SNPH: variants seen among roughly 807,000 people sequenced by gnomAD.
The protein encoded by SNPH is syntaphilin.
In SNPH, 10 loss-of-function variants were observed where a neutral mutation model predicts 36.8. The ratio of observed to expected loss-of-function variants is 0.27; its 90% CI spans 0.17 to 0.46. The LOEUF (loss-of-function observed/expected upper bound fraction) is 0.46, where lower values mean the gene tolerates loss of function less well. Ranked by LOEUF, SNPH falls within the 20% of genes least tolerant of loss-of-function variation. The pLI is 1.00. For missense variants in SNPH, 622 were observed against 744.0 expected (o/e 0.84, Z 1.91); for synonymous variants, 281 against 312.2 (o/e 0.90, Z 1.05).
At chr20:1,277,533 GCA>G (rs1219766223) in intron 2 of SNPH, among the ~76,000 whole-genome samples, 4 of 134,136 alleles carry the variant, frequency 3.0e-5, no homozygotes, top group African/African-American at 1.2e-4. Context: ...GTCTGTCTGT[GCA>G]TGTGTGTCTG....
Position 1,305,710 on chromosome 20 carries a change from C to T in SNPH, c.1273C>T (p.Arg425Cys), listed in dbSNP as rs6131323. ...GCTAGAGGCCCCAGAGCCCATCACC[C>T]GTGGACCCACCCCACAGCGGCCTGG... Reference protein sequence around the residue: ...DELEAPEPITRGPTPQRPGAN... With the variant: ...DELEAPEPITCGPTPQRPGAN... The change falls in exon 7 of 7, where the codon CGT becomes TGT. Residue 425 changes from arginine (R) to cysteine (C), a missense_variant. Coordinates refer to ENST00000381867, the MANE Select transcript of SNPH (RefSeq NM_001318234.2). The T allele has an allele frequency of 7.9e-5, 127 of 1,609,766 alleles. 1 individual carries two copies. In the Middle Eastern group the frequency reaches 8.2e-4, roughly 10 times the overall value.
chr20:1,272,271 G>A (rs1051660462), intron 2 of SNPH, among the ~76,000 whole-genome samples: 19 of 152,132 alleles, frequency 1.2e-4, no homozygotes, highest in African/African-American at 4.1e-4. Flanking sequence ...TTCCTCACCT[G>A]TAAAACTGGG....
chr20:1,296,058 A>G lies in SNPH; in HGVS notation c.-182A>G. On this transcript the variant is annotated 5_prime_UTR_variant, in exon 4 of 7. Transcript: ENST00000381867. ...ACGGCCTTCACTCTGTCTGGGGCAC[A>G]TTCACTCATCTGGAGAACACAGGGT... is the stretch of plus-strand genomic sequence containing the variant. 1.9e-6 allele frequency: 1 copy of G among 539,046 alleles called. No individual in the cohort carries two copies. Among genetic ancestry groups the G allele is most frequent in the African/African-American group, 2.0e-5 (1 of 49,848 alleles). The allele number at this position is 539,046 out of a possible 1,614,324, so 33.4% of individuals were successfully genotyped here.
chr20:1,280,157 C>T lies in SNPH; in HGVS notation c.-493+13397C>T, dbSNP rs184695889. Among the ~76,000 whole-genome samples, 40 of 152,310 alleles carry T rather than the reference C, an allele frequency of 2.6e-4. No individual in the cohort carries two copies. In the East Asian group the frequency reaches 4.6e-3, roughly 18 times the overall value. On this transcript the variant is annotated intron_variant, in intron 2 of 6. Transcript: ENST00000381867. ...CTGTGTGGAGCCTGGACGAGGACCTCGTGACTTCTTCTGCCAGACCTCTTT... is the reference window on the plus strand; with the variant it reads ...CTGTGTGGAGCCTGGACGAGGACCTTGTGACTTCTTCTGCCAGACCTCTTT...
rs1259483361 is a variant in SNPH, at chr20:1,279,615, C to CTTTTTTTTTTT, written c.-493+12857_-493+12858insTTTTTTTTTTT. The stretch of plus-strand genomic sequence containing the variant: ...AGACTGGTTTCCTGAGAGACTCCGG[C>CTTTTTTTTTTT]TTCTTTTTTTTTTTTTTTTTTTGAG... On this transcript the variant is annotated intron_variant, in intron 2 of 6. Coordinates refer to ENST00000381867, the MANE Select transcript of SNPH (RefSeq NM_001318234.2). Among the ~76,000 whole-genome samples the CTTTTTTTTTTT allele has an allele frequency of 9.1e-3, 1,011 of 111,520 alleles. 45 individuals carry two copies. The highest frequency in any genetic ancestry group is 0.029 in the African/African-American group (955 of 32,792). 73.2% of individuals were successfully genotyped at this position (111,520 alleles called of 152,430 possible).
At chr20:1,274,270 C>T (rs1368874143) in intron 2 of SNPH, among the ~76,000 whole-genome samples, 1 of 151,840 alleles carries the variant, frequency 6.6e-6, no homozygotes, top group African/African-American at 2.4e-5. Context: ...TGGGCTTCTG[C>T]ATGCCCTGAG....
rs185614979 is a variant in SNPH, at chr20:1,280,095, C to T, written c.-493+13335C>T. 1.6e-3 allele frequency among the ~76,000 whole-genome samples: 240 copies of T among 152,300 alleles called. 3 individuals carry two copies. Among genetic ancestry groups the T allele is most frequent in the African/African-American group, 5.6e-3 (232 of 41,564 alleles). On this transcript the variant is annotated intron_variant, in intron 2 of 6. Transcript: ENST00000381867. ...TGACCAGATTGGGGCATGGACTGGC[C>T]GGAGCGGTGCCCACAGCTTTTCTGC... is the stretch of plus-strand genomic sequence containing the variant.
At chr20:1,289,541 AC>A (rs2122350086) in intron 2 of SNPH, among the ~76,000 whole-genome samples, 1 of 145,720 alleles carries the variant, frequency 6.9e-6, no homozygotes, top group Non-Finnish European at 1.5e-5. Flanking sequence ...ACACACACAC[AC>A]ACACACACAC....
At chr20:1,287,731 A>C (rs1364417452) in intron 2 of SNPH, among the ~76,000 whole-genome samples, 2 of 152,152 alleles carry the variant, frequency 1.3e-5, no homozygotes, top group Non-Finnish European at 2.9e-5. Context: ...AAAAATGAGA[A>C]TTTTTAGGGA....
chr20:1,273,114 GCTT>G (rs949874632), intron 2 of SNPH, among the ~76,000 whole-genome samples: 3 of 152,198 alleles, frequency 2.0e-5, no homozygotes, highest in Non-Finnish European at 4.4e-5. Context: ...TTGCAGCAGA[GCTT>G]CTGCCACCCT....
chr20:1,290,211 C>CAAAAAA (rs35048205), intron 2 of SNPH, among the ~76,000 whole-genome samples: 2 of 145,086 alleles, frequency 1.4e-5, no homozygotes, highest in Non-Finnish European at 1.5e-5. Context: ...GACTCTGTCT[C>CAAAAAA]AAAAAAAAAA....
In SNPH at chr20:1,266,580, G is replaced by A. The variant is rs552513248; in HGVS notation, c.-599-74G>A. 1.4e-5 allele frequency: 19 copies of A among 1,403,696 alleles called. No homozygotes were observed. The highest frequency in any genetic ancestry group is 1.8e-5 in the Non-Finnish European group (19 of 1,085,548). 87.0% of individuals were successfully genotyped at this position (1,403,696 alleles called of 1,614,324 possible). A position where few individuals can be genotyped will look rare whatever the true frequency, so the allele number is the denominator to read the frequency against. ...TGCAGCGGCCCAGCTGTCAGCGGCC[G>A]GGGGCTCAGCTGCCTGGGTGTTCCC... is the stretch of plus-strand genomic sequence containing the variant. On this transcript the variant is annotated intron_variant, in intron 1 of 6. Coordinates refer to ENST00000381867, the MANE Select transcript of SNPH (RefSeq NM_001318234.2). This position sits in a 1 kb window ranked among gnomAD's most constrained non-coding sequence, Gnocchi z 6.0.
Position 1,266,899 on chromosome 20 carries a change from CTCCCTTCAT to C in SNPH, c.-493+144_-493+152del. 2.5e-6 allele frequency: 3 copies of C among 1,178,984 alleles called. No homozygotes were observed. In the Admixed American group the frequency reaches 1.3e-4, roughly 50 times the overall value. 73.0% of individuals were successfully genotyped at this position (1,178,984 alleles called of 1,614,324 possible). On this transcript the variant is annotated intron_variant, in intron 2 of 6. Coordinates refer to ENST00000381867, the MANE Select transcript of SNPH (RefSeq NM_001318234.2). This position sits in a 1 kb window ranked among gnomAD's most constrained non-coding sequence, Gnocchi z 6.0. The stretch of plus-strand genomic sequence containing the variant: ...GGGTTAATCGTGACTCATTCTTACC[CTCCCTTCAT>C]TCCCCTACATCCCTTTAAGCGCTTC...
At chr20:1,283,317 G>C (rs543341935) in intron 2 of SNPH, among the ~76,000 whole-genome samples, 1 of 152,288 alleles carries the variant, frequency 6.6e-6, no homozygotes, top group South Asian at 2.1e-4. Context: ...GATTTACTGG[G>C]GGCCTTGGGC....
intron 2 of SNPH, among the ~76,000 whole-genome samples, chr20:1,291,520 C>T (rs146749411): frequency 9.6e-4 from 146 of 152,226 alleles, no homozygotes; most frequent in African/African-American, 3.4e-3. Flanking sequence ...TGGAACACTC[C>T]CAGGCCTGTC....
chr20:1,297,299 GGTT>G (rs1315006683), intron 5 of SNPH, 47 bp downstream of exon 5: 11 of 1,576,702 alleles, frequency 7.0e-6, no homozygotes, highest in Non-Finnish European at 8.6e-6. Flanking sequence ...GCTGGGAACA[GGTT>G]GTCCTGGGGT....
rs1346012119 is a variant in SNPH at position 1,294,364 on chromosome 20, G to A, written c.-492-587G>A. ...AGCTGTTCCTGGTCAAGATCCTCCT[G>A]TGCCCAGGAGGCAGTGAGCCATTTA... is the stretch of plus-strand genomic sequence containing the variant. On this transcript the variant is annotated intron_variant, in intron 2 of 6. Coordinates refer to ENST00000381867, the MANE Select transcript of SNPH (RefSeq NM_001318234.2). This position sits in a 1 kb window ranked among gnomAD's most constrained non-coding sequence, Gnocchi z 4.4. Among the ~76,000 whole-genome samples the A allele has an allele frequency of 6.6e-6, 1 of 152,176 alleles. No individual in the cohort carries two copies. Among genetic ancestry groups the A allele is most frequent in the East Asian group, 1.9e-4 (1 of 5,186 alleles).
chr20:1,300,697 C>T lies in SNPH; in HGVS notation c.426C>T (p.Asp142=). The T allele has an allele frequency of 6.2e-7, 1 of 1,611,556 alleles. No individual in the cohort carries two copies. The highest frequency in any genetic ancestry group is 8.5e-7 in the Non-Finnish European group (1 of 1,179,718). The change falls in exon 6 of 7, where the codon GAC becomes GAT. Residue 142 remains aspartate (D), a synonymous_variant. Transcript: ENST00000381867. The part of the protein sequence containing the change: ...HLKARLKDTQ[D]RLQDRDTEID... ...AAGCCCGGCTGAAGGACACACAGGA[C>T]CGGCTCCAGGACCGGTGAGCGGGTG...
Position 1,305,478 on chromosome 20 carries a change from TGTGCAGGCCAGCTGCATGCAGGAGC to T in SNPH, c.1046_1070del (p.Gln349ProfsTer20). 1 of 1,613,208 alleles carries T rather than the reference TGTGCAGGCCAGCTGCATGCAGGAGC, an allele frequency of 6.2e-7. No individual in the cohort carries two copies. The highest frequency in any genetic ancestry group is 1.1e-5 in the South Asian group (1 of 91,084). On this transcript the variant is annotated frameshift_variant, in exon 7 of 7. Transcript: ENST00000381867. LOFTEE classifies it high-confidence loss of function. ...AGCTGCTGTGTGGCATGGAGGCTGG[TGTGCAGGCCAGCTGCATGCAGGAGC>T]GTGCCATCCAGACAGACTTCGTGCA...
Sources: allele counts gnomAD v4.1 joint callset (sites outside exome capture counted in the v4.1 genomes callset), GRCh38; gene constraint gnomAD v4.1.1; non-coding constraint Gnocchi (gnomAD v3.1); transcripts MANE v1.5; gene names NCBI Gene and HGNC (gene_info 2026-07-23, HGNC 2026-07-21).